Variants in RIMS2 observed in about 807,000 individuals in gnomAD.
The protein encoded by RIMS2 is regulating synaptic membrane exocytosis protein 2.
In RIMS2, 59 loss-of-function variants were observed where a neutral mutation model predicts 174.4. That is an observed-to-expected ratio of 0.34 (90% CI 0.27 to 0.42). RIMS2 has a LOEUF of 0.42. Among genes scored for constraint, RIMS2 ranks in the 10% least tolerant of loss-of-function variants. The pLI, the probability that RIMS2 is intolerant of heterozygous loss-of-function variation, is 1.00. For synonymous variants in RIMS2, 606 were observed against 572.5 expected, an observed-to-expected ratio of 1.06 and a Z score of -0.84; for missense variants, 1,620 against 1,666.3, an observed-to-expected ratio of 0.97 and a Z score of 0.48.
chr8:104,154,837 G>C (rs924208035), intron 19 of RIMS2, among the ~76,000 whole-genome samples: 1 of 151,934 alleles, frequency 6.6e-6, no homozygotes, highest in Admixed American at 6.6e-5. Flanking sequence ...TGTTTTTCTT[G>C]TTTAGTTTAT....
chr8:103,607,082 G>A lies in RIMS2; in HGVS notation c.177-90004G>A, dbSNP rs10097673. ...GTTATTTTGCTCGTTAGTTGATGCA[G>A]TTTCTTCCTAGTCTCGATGGTCTTT... is the stretch of plus-strand genomic sequence containing the variant. On this transcript the variant is annotated intron_variant, in intron 1 of 23. Transcript: ENST00000504942. Among the ~76,000 whole-genome samples the A allele has an allele frequency of 3.5e-3, 526 of 152,046 alleles. 2 individuals carry two copies. The highest frequency in any genetic ancestry group is 5.0e-3 in the Non-Finnish European group (338 of 67,984).
chr8:103,810,905 CAT>C (rs1352476271), intron 3 of RIMS2, among the ~76,000 whole-genome samples: 1 of 152,164 alleles, frequency 6.6e-6, no homozygotes, highest in African/African-American at 2.4e-5. Context: ...CATTTGTTCA[CAT>C]ATTTTGCTGA....
At chr8:104,033,707 G>A (rs1372815730) in intron 19 of RIMS2, among the ~76,000 whole-genome samples, 1 of 151,014 alleles carries the variant, frequency 6.6e-6, no homozygotes, top group Non-Finnish European at 1.5e-5. Flanking sequence ...GAGTAAGTAT[G>A]CAATATTCTA....
rs369915825 is a variant in RIMS2 at position 103,586,258 on chromosome 8, A to T, written c.176+85196A>T. On this transcript the variant is annotated intron_variant, in intron 1 of 23. Coordinates refer to ENST00000504942, the Ensembl canonical transcript of RIMS2. Reference sequence around the variant, plus strand: ...TATAGATCAAATGGATCTAATATTTATTTACAGAGCATTTTATCCAATAGC... The same window carrying T: ...TATAGATCAAATGGATCTAATATTTTTTTACAGAGCATTTTATCCAATAGC... Among the ~76,000 whole-genome samples, 21 of 152,328 alleles carry T rather than the reference A, an allele frequency of 1.4e-4. No homozygotes were observed. In the East Asian group the frequency reaches 3.9e-3, roughly 28 times the overall value.
chr8:103,907,906 C>G (rs1176722110), intron 4 of RIMS2, among the ~76,000 whole-genome samples: 5 of 151,414 alleles, frequency 3.3e-5, no homozygotes, highest in Non-Finnish European at 7.4e-5. Flanking sequence ...CCACCATGCC[C>G]GGCTAACTTT....
chr8:103,581,447 A>G (rs764617444), intron 1 of RIMS2, among the ~76,000 whole-genome samples: 2 of 152,332 alleles, frequency 1.3e-5, no homozygotes, highest in South Asian at 2.1e-4. Context: ...AAGACCCTCA[A>G]CACACTGAAT....
rs138088813 is a variant in RIMS2, at chr8:104,048,524, C to G, written c.3334+33909C>G. Among the ~76,000 whole-genome samples, 165 of 152,034 alleles carry G rather than the reference C, an allele frequency of 1.1e-3. 1 individual carries two copies. Among genetic ancestry groups the G allele is most frequent in the Non-Finnish European group, 1.9e-3 (127 of 67,950 alleles). On this transcript the variant is annotated intron_variant, in intron 19 of 23. Coordinates refer to ENST00000504942, the Ensembl canonical transcript of RIMS2. ...GCACTTCTGCAATATAAATGAAGAA[C>G]CTTAAAAATGTTCATAGACTTTTGA...
At chr8:103,874,144 T>C (rs759551493) in intron 3 of RIMS2, among the ~76,000 whole-genome samples, 20 of 152,082 alleles carry the variant, frequency 1.3e-4, no homozygotes, top group Non-Finnish European at 2.1e-4. Context: ...CTCTGACTTA[T>C]GCCCTTAAAT....
In RIMS2 at chr8:103,975,543, GT is replaced by G. The variant is rs774145728; in HGVS notation, c.2927+38del. Reference sequence around the variant, plus strand: ...TACTTATTTTATTTGTAGGGTGGCTGTATTAGTCAGTGTTCTCCAGAGGGAC... The same window carrying G: ...TACTTATTTTATTTGTAGGGTGGCTGATTAGTCAGTGTTCTCCAGAGGGAC... On this transcript the variant is annotated intron_variant, in intron 16 of 23. Coordinates refer to ENST00000504942, the Ensembl canonical transcript of RIMS2. 16 of 1,516,194 alleles carry G rather than the reference GT, an allele frequency of 1.1e-5. No homozygotes were observed. The African/African-American group carries it at 2.2e-4, about 21-fold the overall frequency. 93.9% of individuals were successfully genotyped at this position (1,516,194 alleles called of 1,614,324 possible). A position where few individuals can be genotyped will look rare whatever the true frequency, so the allele number is the denominator to read the frequency against.
At chr8:103,880,473 TG>T in intron 3 of RIMS2, 1 of 372,420 alleles carries the variant, frequency 2.7e-6, no homozygotes, top group Non-Finnish European at 4.8e-6. Context: ...CTCCATCCTT[TG>T]AATGAGTGTT....
At chr8:103,518,874 A>G (rs1401534993) in intron 1 of RIMS2, among the ~76,000 whole-genome samples, 1 of 152,022 alleles carries the variant, frequency 6.6e-6, no homozygotes, top group African/African-American at 2.4e-5. Flanking sequence ...TTGTGTCTCT[A>G]TTCTGGGTTT....
chr8:104,241,156 G>A (rs574108567), intron 19 of RIMS2, among the ~76,000 whole-genome samples: 3 of 152,256 alleles, frequency 2.0e-5, no homozygotes, highest in East Asian at 1.9e-4. Flanking sequence ...TACAGCATTA[G>A]CACAGTAAAA....
chr8:103,857,181 G>T (rs1036209687), intron 3 of RIMS2, among the ~76,000 whole-genome samples: 1 of 152,120 alleles, frequency 6.6e-6, no homozygotes, highest in Non-Finnish European at 1.5e-5. Context: ...TAAGAAATCA[G>T]ATAAGGGGTT....
At chr8:103,930,507 T>C (rs1306866813) in intron 11 of RIMS2, among the ~76,000 whole-genome samples, 1 of 152,078 alleles carries the variant, frequency 6.6e-6, no homozygotes, top group Admixed American at 6.6e-5. Context: ...GTGTGAGGTA[T>C]GTGTGTGGGA....
chr8:104,155,341 C>T (rs1474963748), intron 19 of RIMS2, among the ~76,000 whole-genome samples: 1 of 148,556 alleles, frequency 6.7e-6, no homozygotes, highest in Non-Finnish European at 1.5e-5. Context: ...CTCCTGACCT[C>T]GTGATCTGCC....
intron 19 of RIMS2, among the ~76,000 whole-genome samples, chr8:104,057,239 T>G (rs186090829): frequency 6.6e-6 from 1 of 151,834 alleles, no homozygotes; most frequent in African/African-American, 2.4e-5. Flanking sequence ...GCTAAATTTT[T>G]TATTTTTTGT....
intron 2 of RIMS2, among the ~76,000 whole-genome samples, chr8:103,739,029 G>A (rs1232216288): frequency 1.3e-5 from 2 of 152,170 alleles, no homozygotes; most frequent in African/African-American, 4.8e-5. Context: ...CCATTACTGG[G>A]TATATACCCA....
At chr8:103,818,872 C>A (rs1413308343) in intron 3 of RIMS2, among the ~76,000 whole-genome samples, 1 of 152,112 alleles carries the variant, frequency 6.6e-6, no homozygotes, top group Non-Finnish European at 1.5e-5. Context: ...ATGATAAATG[C>A]TCTATTGTTG....
intron 19 of RIMS2, among the ~76,000 whole-genome samples, chr8:104,074,241 G>A (rs1315030415): frequency 3.3e-5 from 5 of 152,116 alleles, no homozygotes; most frequent in Admixed American, 3.3e-4. Flanking sequence ...CAGTGGGTGA[G>A]TAGTGTATTA....
Sources: allele counts gnomAD v4.1 joint callset (sites outside exome capture counted in the v4.1 genomes callset), GRCh38; gene constraint gnomAD v4.1.1; transcripts MANE v1.5; gene names NCBI Gene and HGNC (gene_info 2026-07-23, HGNC 2026-07-21).